Variants in MALT1 observed in about 807,000 individuals in gnomAD.
MALT1 encodes the protein MALT1 paracaspase, also known as mucosa-associated lymphoid tissue lymphoma translocation protein 1.
In MALT1, 36 loss-of-function variants were observed where a neutral mutation model predicts 85.5. The ratio of observed to expected loss-of-function variants is 0.42; its 90% confidence interval spans 0.32 to 0.56. The LOEUF is 0.56. Among genes scored for constraint, MALT1 ranks in the 20% least tolerant of loss-of-function variants. The pLI is 0.10. For synonymous variants in MALT1, 359 were observed against 361.3 expected, an observed-to-expected ratio of 0.99 and a Z score of 0.07; for missense variants, 716 against 981.6, an observed-to-expected ratio of 0.73 and a Z score of 3.62.
Position 58,745,778 on chromosome 18 carries a change from T to C in MALT1, c.2024T>C (p.Leu675Pro). The C allele has an allele frequency of 6.2e-7, 1 of 1,611,338 alleles. No homozygotes were observed. Among genetic ancestry groups the C allele is most frequent in the Non-Finnish European group, 8.5e-7 (1 of 1,179,304 alleles). Reference sequence around the variant, plus strand: ...TGCCTCTATACCAGACTCAGTTCACTGCAAAAATTAAAGGTTACTACCTTT... The same window carrying C: ...TGCCTCTATACCAGACTCAGTTCACCGCAAAAATTAAAGGTTACTACCTTT... ...KHCLYTRLSSLQKLKEHLVFT... is the reference protein window; with the variant it reads ...KHCLYTRLSSPQKLKEHLVFT... The change falls in exon 16 of 17, where the codon CTG (leucine) becomes CCG (proline). Residue 675 changes from leucine (L) to proline (P), a missense_variant. Physicochemically the swap from Leu to Pro is moderately conservative, Grantham distance 98. Coordinates refer to ENST00000649217, the MANE Select transcript of MALT1 (RefSeq NM_006785.4).
At chr18:58,716,098 G>T (rs769955652) in intron 9 of MALT1, 131 bp downstream of exon 9, 2 of 670,210 alleles carry the variant, frequency 3.0e-6, no homozygotes, top group Non-Finnish European at 5.0e-6. Flanking sequence ...TTATTTTTTT[G>T]TATCTGTAAA....
intron 2 of MALT1, among the ~76,000 whole-genome samples, chr18:58,684,571 C>T (rs374869531): frequency 2.0e-5 from 3 of 151,060 alleles, no homozygotes; most frequent in East Asian, 2.0e-4. Context: ...CTCAGCCTCC[C>T]GAGTATCTGG....
chr18:58,678,973 A>G (rs1304879184), intron 1 of MALT1, among the ~76,000 whole-genome samples: 1 of 152,242 alleles, frequency 6.6e-6, no homozygotes, highest in Non-Finnish European at 1.5e-5. Flanking sequence ...ATTCTACAGT[A>G]TATCATGCAG....
chr18:58,681,088 C>G (rs982917647), intron 1 of MALT1, 82 bp from the exon 2 acceptor site: 259 of 1,268,634 alleles, frequency 2.0e-4, no homozygotes, highest in Admixed American at 2.4e-4. Context: ...TTATTCCATA[C>G]AGCACCACCG....
chr18:58,725,315 T>A lies in MALT1; in HGVS notation c.1222+2064T>A, dbSNP rs768415820. ...GCAGCCTAGGCGACAGAATGAGACT[T>A]GGAATCTTGGTCTCAAAAAAGAAAA... On this transcript the variant is annotated intron_variant, in intron 10 of 16. Transcript: ENST00000649217. Among the ~76,000 whole-genome samples the A allele has an allele frequency of 3.9e-4, 60 of 151,994 alleles. 1 individual carries two copies. Among genetic ancestry groups the A allele is most frequent in the Non-Finnish European group, 2.9e-4 (20 of 68,002 alleles).
intron 3 of MALT1, among the ~76,000 whole-genome samples, chr18:58,699,744 A>C (rs1422539507): frequency 1.3e-5 from 2 of 152,220 alleles, no homozygotes; most frequent in Admixed American, 6.5e-5. Flanking sequence ...GCACTTGAGT[A>C]AGCCCCTTGG....
In MALT1 at chr18:58,722,947, A is replaced by G. The variant is rs189605517; in HGVS notation, c.1019-101A>G. On this transcript the variant is annotated intron_variant, in intron 9 of 16. Transcript: ENST00000649217. ...ATGAAATCTTATTTGAAATGAAATAATGCAATCTTAAAGCATACTTTTTAT... is the reference window on the plus strand; with the variant it reads ...ATGAAATCTTATTTGAAATGAAATAGTGCAATCTTAAAGCATACTTTTTAT... 104 of 715,930 alleles carry G rather than the reference A, an allele frequency of 1.5e-4. No individual in the cohort carries two copies. The Admixed American group carries it at 2.8e-3, about 19-fold the overall frequency. 44.3% of individuals were successfully genotyped at this position (715,930 alleles called of 1,614,324 possible).
intron 4 of MALT1, among the ~76,000 whole-genome samples, chr18:58,708,126 G>T (rs1051690726): frequency 2.0e-5 from 3 of 152,180 alleles, no homozygotes; most frequent in South Asian, 4.1e-4. Context: ...GGGCCTCGTG[G>T]GCCTCCAAGG....
intron 8 of MALT1, 34 bp from the exon 9 acceptor site, chr18:58,715,901 A>G (rs1178226506): frequency 1.3e-6 from 2 of 1,486,764 alleles, no homozygotes; most frequent in Non-Finnish European, 1.9e-6. Flanking sequence ...TATACCATGG[A>G]TCTTACATGT....
At chr18:58,696,776 A>G (rs572165743) in intron 3 of MALT1, among the ~76,000 whole-genome samples, 2 of 152,220 alleles carry the variant, frequency 1.3e-5, no homozygotes, top group African/African-American at 4.8e-5. Context: ...TCACCAGTAC[A>G]TTCTTGTGTA....
intron 13 of MALT1, among the ~76,000 whole-genome samples, chr18:58,737,310 C>A (rs1188282686): frequency 1.3e-5 from 2 of 151,976 alleles, no homozygotes; most frequent in African/African-American, 4.8e-5. Flanking sequence ...TCAGACCCCC[C>A]ATCTCTATAA....
rs1185748745 is a variant in MALT1 at position 58,710,070 on chromosome 18, T to A, written c.923T>A (p.Ile308Lys). ...GATAGCAAGAAGGTAGAAATCATCA[T>A]AGGTAAGAAGTATTTCCCCAGTGTT... Reference protein sequence around the residue: ...SQDSKKVEIIIGRTDEAVECT... With the variant: ...SQDSKKVEIIKGRTDEAVECT... The change falls in exon 6 of 17, where the codon ATA becomes AAA. Residue 308 changes from isoleucine (I) to lysine (K), a missense_variant and splice_region_variant. Transcript: ENST00000649217. 6.3e-7 allele frequency: 1 copy of A among 1,594,498 alleles called. No homozygotes were observed. The highest frequency in any genetic ancestry group is 8.6e-7 in the Non-Finnish European group (1 of 1,162,838).
At chr18:58,741,682 CAT>C (rs901286977) in intron 13 of MALT1, 181 bp from the exon 14 acceptor site, 10 of 419,948 alleles carry the variant, frequency 2.4e-5, no homozygotes, top group African/African-American at 5.9e-5. Flanking sequence ...CACTTACACA[CAT>C]GAGTAAAAAT....
intron 8 of MALT1, among the ~76,000 whole-genome samples, chr18:58,714,947 A>C (rs1376094859): frequency 6.6e-6 from 1 of 152,220 alleles, no homozygotes; most frequent in African/African-American, 2.4e-5. Context: ...CTCATATTGC[A>C]TTAGCAAACA....
Sources: allele counts gnomAD v4.1 joint callset (sites outside exome capture counted in the v4.1 genomes callset), GRCh38; gene constraint gnomAD v4.1.1; transcripts MANE v1.5; gene names NCBI Gene and HGNC (gene_info 2026-07-23, HGNC 2026-07-21).